The following AOPEP variants were observed in gnomAD, a reference collection of about 807,000 sequenced individuals.
AOPEP encodes the protein aminopeptidase O.
AOPEP carries 77 observed loss-of-function variants against 98.1 expected under a neutral mutation model. That is an observed-to-expected ratio of 0.78 (90% CI 0.65 to 0.95). The LOEUF (loss-of-function observed/expected upper bound fraction) is 0.95, where lower values mean the gene tolerates loss of function less well. Ranked by LOEUF, AOPEP falls within the 40% of genes least tolerant of loss-of-function variation. AOPEP has a pLI of 0.00. For synonymous variants in AOPEP, 346 were observed against 365.3 expected (o/e 0.95, Z 0.60); for missense variants, 1,024 against 1,024.7 (o/e 1.00, Z 0.01).
the AOPEP span, chr9:95,101,433 T>C: frequency 1.9e-6 from 1 of 515,896 alleles, no homozygotes. Context: ...CTTTAGTAAT[T>C]ATCAAGCTGA....
chr9:94,832,539 T>G (rs1429443372), intron 5 of AOPEP, among the ~76,000 whole-genome samples: 2 of 152,194 alleles, frequency 1.3e-5, no homozygotes, highest in East Asian at 3.8e-4. Flanking sequence ...ATTCTAAGGA[T>G]ACATTGGCAA....
At chr9:94,983,020 GTTTTGT>G (rs148742287) in intron 11 of AOPEP, among the ~76,000 whole-genome samples, 42 of 151,558 alleles carry the variant, frequency 2.8e-4, no homozygotes, top group African/African-American at 9.9e-4. Context: ...GTTTTGTTTT[GTTTTGT>G]TTTTGTTTTT....
intron 4 of AOPEP, among the ~76,000 whole-genome samples, chr9:94,796,125 G>C (rs1207655279): frequency 6.6e-6 from 1 of 152,166 alleles, no homozygotes; most frequent in Non-Finnish European, 1.5e-5. Context: ...AGAAAGCCTG[G>C]AATGGCCCAG....
intron 5 of AOPEP, among the ~76,000 whole-genome samples, chr9:94,865,938 G>A (rs973194012): frequency 2.0e-5 from 3 of 152,202 alleles, no homozygotes; most frequent in Non-Finnish European, 4.4e-5. Context: ...GGATCTAGAG[G>A]AAGGTAACAG....
intron 13 of AOPEP, among the ~76,000 whole-genome samples, chr9:95,059,533 GAGGGGGTA>G (rs2067138332): frequency 6.6e-6 from 1 of 151,626 alleles, no homozygotes; most frequent in South Asian, 2.1e-4. Context: ...GTGAATGAGT[GAGGGGGTA>G]AGGGGGTAGG....
intron 9 of AOPEP, among the ~76,000 whole-genome samples, chr9:94,960,465 C>T (rs960856552): frequency 3.3e-5 from 5 of 151,380 alleles, no homozygotes; most frequent in African/African-American, 1.2e-4. Context: ...AACTACTTTC[C>T]CCTTAATTCT....
chr9:94,730,357 T>G (rs1456600326), intron 1 of AOPEP, among the ~76,000 whole-genome samples: 1 of 144,006 alleles, frequency 6.9e-6, no homozygotes, highest in Admixed American at 6.8e-5. Flanking sequence ...ATAAACAGAT[T>G]AATATCAGAG....
At chr9:95,135,590 C>G in the AOPEP span, 1 of 1,107,678 alleles carries the variant, frequency 9.0e-7, no homozygotes, top group Non-Finnish European at 1.3e-6. Context: ...AATCACTAAT[C>G]CAATTTGTGA....
At position 94,827,521 on chromosome 9, in the gene AOPEP, A is replaced by G. The variant is rs73654296; in HGVS notation, c.1364+26519A>G. On this transcript the variant is annotated intron_variant, in intron 5 of 16. Transcript: ENST00000375315. ...TATTTGGTTTCTTCTCTAACTTATC[A>G]TGAGGACATAGACTGTCTTTTCTTC... 6.6e-3 allele frequency among the ~76,000 whole-genome samples: 1,007 copies of G among 152,322 alleles called. 8 individuals are homozygous for G. The highest frequency in any genetic ancestry group is 0.023 in the African/African-American group (969 of 41,564).
chr9:95,060,549 G>A, intron 13 of AOPEP, 145 bp from the exon 14 acceptor site: 1 of 671,806 alleles, frequency 1.5e-6, no homozygotes, highest in South Asian at 1.7e-5. Flanking sequence ...AATTACAAAA[G>A]TCAGCCGAAC....
chr9:95,073,583 G>A lies in AOPEP; in HGVS notation c.2233-7111G>A, dbSNP rs183278259. Among the ~76,000 whole-genome samples the A allele has an allele frequency of 5.6e-3, 847 of 152,292 alleles. 9 individuals carry two copies. The highest frequency in any genetic ancestry group is 0.019 in the African/African-American group (796 of 41,554). Reference sequence around the variant, plus strand: ...CACCTGTAATCCCAGCAGGCCGGGCGCGGTGGCTCACACCTGTAATGCCAC... The same window carrying A: ...CACCTGTAATCCCAGCAGGCCGGGCACGGTGGCTCACACCTGTAATGCCAC... On this transcript the variant is annotated intron_variant, in intron 14 of 16. Coordinates refer to ENST00000375315, the MANE Select transcript of AOPEP (RefSeq NM_001193329.3).
chr9:95,075,084 C>G (rs1189514906), intron 14 of AOPEP, among the ~76,000 whole-genome samples: 1 of 152,174 alleles, frequency 6.6e-6, no homozygotes, highest in African/African-American at 2.4e-5. Context: ...TCCTTCCCTC[C>G]CACACCAACT....
chr9:94,753,909 G>A (rs1247174167), intron 1 of AOPEP, among the ~76,000 whole-genome samples: 3 of 152,180 alleles, frequency 2.0e-5, no homozygotes, highest in Admixed American at 6.5e-5. Context: ...ACTTGCATGT[G>A]TGCAGCTAGG....
At chr9:95,125,509 C>G in the AOPEP span, among the ~76,000 whole-genome samples, 1 of 152,156 alleles carries the variant, frequency 6.6e-6, no homozygotes, top group African/African-American at 2.4e-5. Context: ...CAACATTTTG[C>G]TTTCACAAGT....
intron 13 of AOPEP, among the ~76,000 whole-genome samples, chr9:95,055,998 T>C (rs1346284676): frequency 6.6e-6 from 1 of 152,128 alleles, no homozygotes; most frequent in Non-Finnish European, 1.5e-5. Context: ...TTTTAACCAT[T>C]TTTGGGAAGA....
intron 13 of AOPEP, among the ~76,000 whole-genome samples, chr9:95,026,734 G>C (rs1311245343): frequency 2.0e-5 from 3 of 152,170 alleles, no homozygotes; most frequent in Non-Finnish European, 4.4e-5. Context: ...AAATTTATAT[G>C]AGCAGTTGAG....
intron 1 of AOPEP, among the ~76,000 whole-genome samples, chr9:94,728,118 T>C (rs1829631388): frequency 6.6e-6 from 1 of 152,212 alleles, no homozygotes; most frequent in Non-Finnish European, 1.5e-5. Flanking sequence ...TTTATGAGTT[T>C]GTTCACCTAC....
chr9:94,982,662 G>A (rs966722523), intron 11 of AOPEP, among the ~76,000 whole-genome samples: 6 of 146,904 alleles, frequency 4.1e-5, no homozygotes, highest in African/African-American at 1.5e-4. Flanking sequence ...TACACCTCCC[G>A]GGCTGCAGTG....
At chr9:94,864,526 CA>C (rs2045488392) in intron 5 of AOPEP, among the ~76,000 whole-genome samples, 1 of 152,062 alleles carries the variant, frequency 6.6e-6, no homozygotes, top group South Asian at 2.1e-4. Flanking sequence ...TTTACGCTGA[CA>C]TTTCTAAAAA....
Sources: allele counts gnomAD v4.1 joint callset (sites outside exome capture counted in the v4.1 genomes callset), GRCh38; gene constraint gnomAD v4.1.1; transcripts MANE v1.5; gene names NCBI Gene and HGNC (gene_info 2026-07-23, HGNC 2026-07-21).